Variants in CTTNBP2 observed in about 807,000 individuals in gnomAD.
CTTNBP2 encodes the protein cortactin binding protein 2.
Under a neutral mutation model 156.9 loss-of-function variants are expected in CTTNBP2, and 108 were observed. The ratio of observed to expected loss-of-function variants is 0.69; its 90% CI spans 0.59 to 0.81. CTTNBP2 has a LOEUF of 0.81. Ranked by LOEUF, CTTNBP2 falls within the 30% of genes least tolerant of loss-of-function variation. The probability of loss-of-function intolerance (pLI) is 0.00; values close to 1 mark genes in which losing one functional copy is unlikely to be tolerated. For missense variants in CTTNBP2, 1,924 were observed against 2,035.4 expected (o/e 0.95, Z 1.05); for synonymous variants, 767 against 751.8 (o/e 1.02, Z -0.33).
chr7:117,712,850 C>T lies in CTTNBP2; in HGVS notation c.4747-1068G>A, dbSNP rs78486369. 4.8e-3 allele frequency among the ~76,000 whole-genome samples: 726 copies of T among 152,218 alleles called. 7 individuals are homozygous for T. Among genetic ancestry groups the T allele is most frequent in the African/African-American group, 0.016 (650 of 41,520 alleles). ...TTTAAAAAATCTTGCGGCCAAAGAA[C>T]GCCTAGCTTAACTCCTCACTATCCT... On this transcript the variant is annotated intron_variant, in intron 22 of 22. Coordinates refer to ENST00000160373, the MANE Select transcript of CTTNBP2 (RefSeq NM_033427.3).
intron 2 of CTTNBP2, among the ~76,000 whole-genome samples, chr7:117,840,408 C>G (rs887788912): frequency 2.0e-5 from 3 of 151,998 alleles, no homozygotes; most frequent in Non-Finnish European, 2.9e-5. Flanking sequence ...CGTACCTGGT[C>G]CCAGCTACTG....
At chr7:117,852,435 G>A (rs1802989594) in intron 2 of CTTNBP2, among the ~76,000 whole-genome samples, 1 of 152,060 alleles carries the variant, frequency 6.6e-6, no homozygotes, top group African/African-American at 2.4e-5. Context: ...CTTAGTAATT[G>A]TGTCCTTGTG....
At chr7:117,860,881 CA>C (rs1803682360) in intron 2 of CTTNBP2, among the ~76,000 whole-genome samples, 1 of 152,038 alleles carries the variant, frequency 6.6e-6, no homozygotes, top group Non-Finnish European at 1.5e-5. Context: ...TGTAGGATAC[CA>C]AATTAGCAAT....
chr7:117,823,669 C>CTA (rs1801108497), intron 2 of CTTNBP2, among the ~76,000 whole-genome samples: 1 of 152,114 alleles, frequency 6.6e-6, no homozygotes, highest in Admixed American at 6.6e-5. Context: ...AGGATAAGAA[C>CTA]TAGTAACTGA....
chr7:117,746,248 C>A, intron 12 of CTTNBP2, 149 bp from the exon 13 acceptor site: 1 of 616,482 alleles, frequency 1.6e-6, no homozygotes, highest in Non-Finnish European at 2.9e-6. Context: ...TATCATTGGA[C>A]ACCTGTACTC....
chr7:117,841,181 T>G (rs1802253266), intron 2 of CTTNBP2, among the ~76,000 whole-genome samples: 1 of 152,178 alleles, frequency 6.6e-6, no homozygotes, highest in Admixed American at 6.5e-5. Flanking sequence ...CTATCTGGCC[T>G]CACAGAAGAC....
chr7:117,827,984 G>C (rs541766656), intron 2 of CTTNBP2, among the ~76,000 whole-genome samples: 1 of 152,188 alleles, frequency 6.6e-6, no homozygotes, highest in East Asian at 1.9e-4. Flanking sequence ...AACCAGCCTT[G>C]GCCACTGAGG....
At chr7:117,800,486 T>C (rs1048787243) in intron 3 of CTTNBP2, among the ~76,000 whole-genome samples, 2 of 152,136 alleles carry the variant, frequency 1.3e-5, no homozygotes, top group Admixed American at 1.3e-4. Context: ...ACTTAAGATA[T>C]GTGAATTGTA....
At chr7:117,864,677 T>TC (rs1491334169) in intron 1 of CTTNBP2, among the ~76,000 whole-genome samples, 40 of 141,670 alleles carry the variant, frequency 2.8e-4, no homozygotes, top group South Asian at 1.1e-3. Context: ...TATTCATATA[T>TC]TTATATATAT....
intron 8 of CTTNBP2, among the ~76,000 whole-genome samples, chr7:117,771,517 C>T (rs1797797362): frequency 6.6e-6 from 1 of 152,128 alleles, no homozygotes; most frequent in South Asian, 2.1e-4. Flanking sequence ...GAGTGCTATG[C>T]ACTTTGCATG....
chr7:117,847,554 A>G (rs1216890646), intron 2 of CTTNBP2, among the ~76,000 whole-genome samples: 2 of 152,172 alleles, frequency 1.3e-5, no homozygotes, highest in Non-Finnish European at 2.9e-5. Flanking sequence ...TTCTAAACTG[A>G]AATAAGTTGA....
At chr7:117,771,585 C>T (rs1238692791) in intron 8 of CTTNBP2, among the ~76,000 whole-genome samples, 1 of 152,134 alleles carries the variant, frequency 6.6e-6, no homozygotes, top group African/African-American at 2.4e-5. Context: ...CAGCTCTGTT[C>T]TGAAAAGCAA....
intron 2 of CTTNBP2, among the ~76,000 whole-genome samples, chr7:117,854,723 A>G (rs1803156177): frequency 6.6e-6 from 1 of 152,228 alleles, no homozygotes; most frequent in Non-Finnish European, 1.5e-5. Context: ...TCATTATGCA[A>G]CGTATTTGAA....
At chr7:117,827,286 G>T (rs1292255484) in intron 2 of CTTNBP2, among the ~76,000 whole-genome samples, 1 of 152,208 alleles carries the variant, frequency 6.6e-6, no homozygotes, top group Non-Finnish European at 1.5e-5. Context: ...TACTGGGAGT[G>T]GGGGCTGGTG....
At chr7:117,760,873 AC>A (rs1197931913) in intron 9 of CTTNBP2, among the ~76,000 whole-genome samples, 163 bp from the exon 10 acceptor site, 4 of 152,284 alleles carry the variant, frequency 2.6e-5, no homozygotes, top group Admixed American at 2.6e-4. Flanking sequence ...ACTGGAGTAA[AC>A]TTTTGTCTCC....
intron 2 of CTTNBP2, among the ~76,000 whole-genome samples, chr7:117,832,769 TAG>T (rs1262099274): frequency 7.6e-6 from 1 of 132,340 alleles, no homozygotes; most frequent in Non-Finnish European, 1.6e-5. Context: ...TTTTTTGAGA[TAG>T]AGTCTCACTG....
intron 2 of CTTNBP2, among the ~76,000 whole-genome samples, chr7:117,820,046 C>T (rs771139151): frequency 1.3e-5 from 2 of 152,164 alleles, no homozygotes; most frequent in East Asian, 3.8e-4. Flanking sequence ...TTCTTTTGAC[C>T]TTGTATGCCA....
intron 3 of CTTNBP2, among the ~76,000 whole-genome samples, chr7:117,809,974 C>A (rs1179865534): frequency 1.3e-5 from 2 of 152,176 alleles, no homozygotes; most frequent in Non-Finnish European, 2.9e-5. Flanking sequence ...TAATAAAAGG[C>A]ATCGATAGTC....
chr7:117,838,188 C>T (rs1802063245), intron 2 of CTTNBP2, among the ~76,000 whole-genome samples: 1 of 152,166 alleles, frequency 6.6e-6, no homozygotes, highest in African/African-American at 2.4e-5. Flanking sequence ...GAATGCTTAC[C>T]ATAAAACCCT....
Sources: gnomAD v4.1 joint callset for allele counts (sites outside exome capture counted in the v4.1 genomes callset) on GRCh38, gnomAD v4.1.1 for gene constraint, MANE v1.5 for transcripts, NCBI Gene and HGNC (gene_info 2026-07-23, HGNC 2026-07-21) for gene names.